The following EML4 variants were observed in gnomAD, a reference collection of about 807,000 sequenced individuals.
EML4 encodes echinoderm microtubule-associated protein-like 4.
In EML4, 72 loss-of-function variants were observed where a neutral mutation model predicts 129.0. The ratio of observed to expected loss-of-function variants is 0.56; its 90% confidence interval spans 0.46 to 0.68. EML4 has a LOEUF of 0.68. EML4 is among the 30% of genes least tolerant of loss of function. The pLI is 0.00. For missense variants in EML4, 1,363 were observed against 1,190.6 expected, an observed-to-expected ratio of 1.14 and a Z score of -2.13; for synonymous variants, 532 against 405.0, an observed-to-expected ratio of 1.31 and a Z score of -3.77.
At chr2:42,235,843 C>T (rs951589145) in intron 1 of EML4, among the ~76,000 whole-genome samples, 1 of 152,050 alleles carries the variant, frequency 6.6e-6, no homozygotes, top group Admixed American at 6.6e-5. Context: ...CTTAGAAATA[C>T]AACTTCATTT....
chr2:42,221,410 TTTTTTTTTTTTTTTTTTGAGACAGGACC>T (rs1204484861), intron 1 of EML4, among the ~76,000 whole-genome samples: 2 of 65,852 alleles, frequency 3.0e-5, no homozygotes, highest in Admixed American at 2.3e-4. Flanking sequence ...TTACTTTTTT[TTTTTTTTTTTTTTTTTTGAGACAGGACC>T]TTGCTTTGTC....
intron 13 of EML4, among the ~76,000 whole-genome samples, chr2:42,300,156 T>G (rs1668201608): frequency 6.6e-6 from 1 of 152,244 alleles, no homozygotes; most frequent in Non-Finnish European, 1.5e-5. Context: ...TAAACCTGAA[T>G]TTTTTCAAGA....
chr2:42,320,968 A>G (rs1669485236), intron 19 of EML4, among the ~76,000 whole-genome samples: 1 of 152,114 alleles, frequency 6.6e-6, no homozygotes, highest in Non-Finnish European at 1.5e-5. Flanking sequence ...CATCAAAAAG[A>G]GGGGGAAAAA....
intron 1 of EML4, among the ~76,000 whole-genome samples, chr2:42,241,173 G>C (rs1675006914): frequency 6.6e-6 from 1 of 151,910 alleles, no homozygotes; most frequent in South Asian, 2.1e-4. Flanking sequence ...AAAGCAAACA[G>C]ATAGATGTAT....
chr2:42,278,924 G>A (rs909117638), intron 6 of EML4, among the ~76,000 whole-genome samples: 6 of 129,852 alleles, frequency 4.6e-5, no homozygotes, highest in African/African-American at 1.6e-4. Context: ...CAACAAGAGC[G>A]AAACTCTCTT....
At chr2:42,298,992 G>A (rs1378948441) in intron 13 of EML4, among the ~76,000 whole-genome samples, 1 of 152,094 alleles carries the variant, frequency 6.6e-6, no homozygotes, top group African/African-American at 2.4e-5. Context: ...CATCTCTCAG[G>A]TGTCCTCCCT....
chr2:42,211,892 T>G (rs1672906849), intron 1 of EML4, among the ~76,000 whole-genome samples: 1 of 152,184 alleles, frequency 6.6e-6, no homozygotes, highest in Admixed American at 6.5e-5. Flanking sequence ...TCGCCCAGGT[T>G]GGAGTGCAGT....
chr2:42,322,759 A>G (rs1316724557), intron 19 of EML4, among the ~76,000 whole-genome samples: 1 of 152,104 alleles, frequency 6.6e-6, no homozygotes, highest in Non-Finnish European at 1.5e-5. Context: ...CTGTGCATAC[A>G]CTTTGCATTA....
At chr2:42,181,446 A>G (rs2103842046) in intron 1 of EML4, among the ~76,000 whole-genome samples, 1 of 152,090 alleles carries the variant, frequency 6.6e-6, no homozygotes, top group East Asian at 1.9e-4. Flanking sequence ...TTACAGGCAC[A>G]CGCCACTAAC....
chr2:42,184,009 G>C (rs1671101261), intron 1 of EML4, among the ~76,000 whole-genome samples: 2 of 152,000 alleles, frequency 1.3e-5, no homozygotes, highest in African/African-American at 4.8e-5. Flanking sequence ...ACCTACTTTG[G>C]TACTTAAAGC....
chr2:42,302,715 G>T (rs1423133363), intron 14 of EML4, among the ~76,000 whole-genome samples: 2 of 151,930 alleles, frequency 1.3e-5, no homozygotes, highest in Non-Finnish European at 2.9e-5. Flanking sequence ...TATATTTTTA[G>T]TAGAGACAGG....
chr2:42,258,196 G>C lies in EML4; in HGVS notation c.338+1566G>C, dbSNP rs1572640880. ...CTTTTAAATAACCCAGAAGGAAAAT[G>C]GCTCTTTTAGGTTGTACTGGGCCCA... is the stretch of plus-strand genomic sequence containing the variant. On this transcript the variant is annotated intron_variant, in intron 3 of 22. Transcript: ENST00000318522. 2.6e-5 allele frequency among the ~76,000 whole-genome samples: 4 copies of C among 152,160 alleles called. No individual in the cohort carries two copies. The South Asian group carries it at 6.2e-4, about 24-fold the overall frequency.
intron 3 of EML4, among the ~76,000 whole-genome samples, chr2:42,260,282 C>G (rs1015534977): frequency 6.6e-6 from 1 of 152,214 alleles, no homozygotes; most frequent in Non-Finnish European, 1.5e-5. Flanking sequence ...ATTCTCCTGC[C>G]TCAGCCTCCC....
intron 13 of EML4, among the ~76,000 whole-genome samples, chr2:42,299,436 G>A (rs571938513): frequency 3.8e-4 from 58 of 152,226 alleles, no homozygotes; most frequent in African/African-American, 1.4e-3. Flanking sequence ...AAGTTCAGTG[G>A]TTTTTAGTAT....
intron 1 of EML4, among the ~76,000 whole-genome samples, chr2:42,220,647 A>G (rs1431466311): frequency 2.6e-5 from 4 of 152,126 alleles, no homozygotes. Context: ...GGAAGAGTGC[A>G]CGTTTCTCAC....
At chr2:42,220,734 C>T (rs1673536972) in intron 1 of EML4, among the ~76,000 whole-genome samples, 1 of 152,208 alleles carries the variant, frequency 6.6e-6, no homozygotes. Flanking sequence ...GAAAGCTAGG[C>T]TTCTCATACC....
intron 1 of EML4, 59 bp downstream of exon 1, chr2:42,169,695 G>A: frequency 6.4e-7 from 1 of 1,573,564 alleles, no homozygotes; most frequent in Admixed American, 1.8e-5. Flanking sequence ...TTTTCCTTCC[G>A]CACACAGCCC....
At chr2:42,288,544 A>G in intron 11 of EML4, 1 of 275,828 alleles carries the variant, frequency 3.6e-6, no homozygotes, top group Non-Finnish European at 6.8e-6. Context: ...TCAATATTTC[A>G]GACATTACTA....
chr2:42,276,348 T>C (rs539495336), intron 6 of EML4, among the ~76,000 whole-genome samples: 1 of 152,324 alleles, frequency 6.6e-6, no homozygotes, highest in African/African-American at 2.4e-5. Flanking sequence ...GTGGCCTTGC[T>C]GCTCCCTCGC....
Sources: allele counts gnomAD v4.1 joint callset (sites outside exome capture counted in the v4.1 genomes callset), GRCh38; gene constraint gnomAD v4.1.1; transcripts MANE v1.5; gene names NCBI Gene and HGNC (gene_info 2026-07-23, HGNC 2026-07-21).